RB1CC1: variants seen among roughly 807,000 people sequenced by gnomAD.
The protein encoded by RB1CC1 is RB1-inducible coiled-coil protein 1.
RB1CC1 carries 46 observed loss-of-function variants against 177.5 expected under a neutral mutation model. That is an observed-to-expected ratio of 0.26 (90% confidence interval 0.20 to 0.33). The LOEUF is 0.33. Among genes scored for constraint, RB1CC1 ranks in the 10% least tolerant of loss-of-function variants. The probability of loss-of-function intolerance (pLI) is 1.00; values close to 1 mark genes in which losing one functional copy is unlikely to be tolerated. For missense variants in RB1CC1, 1,703 were observed against 1,816.3 expected, an observed-to-expected ratio of 0.94 and a Z score of 1.13; for synonymous variants, 666 against 613.6, an observed-to-expected ratio of 1.09 and a Z score of -1.26.
intron 5 of RB1CC1, among the ~76,000 whole-genome samples, chr8:52,678,181 G>A (rs947540845): frequency 2.0e-5 from 3 of 152,134 alleles, no homozygotes; most frequent in African/African-American, 7.2e-5. Context: ...TACTTTGGGA[G>A]GCTGAGGCGG....
intron 7 of RB1CC1, among the ~76,000 whole-genome samples, chr8:52,672,502 G>T (rs1471290454): frequency 6.6e-6 from 1 of 152,178 alleles, no homozygotes; most frequent in African/African-American, 2.4e-5. Flanking sequence ...CAGCACTTTG[G>T]AAGGCTGAGG....
In RB1CC1 at chr8:52,642,798, A is replaced by C. The variant is rs369063481; in HGVS notation, c.4002T>G (p.Thr1334=). 6.4e-7 allele frequency: 1 copy of C among 1,558,870 alleles called. No homozygotes were observed. Among genetic ancestry groups the C allele is most frequent in the Non-Finnish European group, 8.6e-7 (1 of 1,161,818 alleles). The change falls in exon 17 of 24, where the codon ACT becomes ACG. Residue 1334 remains threonine (T), a synonymous_variant. Transcript: ENST00000025008. The part of the protein sequence containing the change: ...LIAEQQTNFN[T]VLTREKMRKE... ...TTCTCATTTTCTCTCTTGTTAAAAC[A>C]GTGTTAAAATTGGTCTGGAACAAGA...
At chr8:52,705,079 A>G (rs1856432493) in intron 1 of RB1CC1, among the ~76,000 whole-genome samples, 1 of 152,208 alleles carries the variant, frequency 6.6e-6, no homozygotes, top group South Asian at 2.1e-4. Flanking sequence ...TAAACTGCCT[A>G]CCATATATAC....
chr8:52,636,137 TTAAAA>T (rs1849126745), intron 18 of RB1CC1, 68 bp from the exon 19 acceptor site: 1 of 1,485,104 alleles, frequency 6.7e-7, no homozygotes, highest in East Asian at 2.3e-5. Flanking sequence ...ATTTTAGAAA[TTAAAA>T]TATTAATACA....
rs150365948 is a variant in RB1CC1 at position 52,653,119 on chromosome 8, A to C, written c.3821+2889T>G. Among the ~76,000 whole-genome samples, 582 of 152,296 alleles carry C rather than the reference A, an allele frequency of 3.8e-3. 3 individuals are homozygous for C. Among genetic ancestry groups the C allele is most frequent in the African/African-American group, 0.013 (520 of 41,574 alleles). ...GTTTGCTGACTCCTGATCTACAAGG[A>C]AGGCATCCAAAGGCAGGTATACTGG... On this transcript the variant is annotated intron_variant, in intron 15 of 23. Coordinates refer to ENST00000025008, the MANE Select transcript of RB1CC1 (RefSeq NM_014781.5).
chr8:52,636,984 T>C (rs1849194058), intron 18 of RB1CC1, among the ~76,000 whole-genome samples: 2 of 152,218 alleles, frequency 1.3e-5, no homozygotes, highest in Admixed American at 1.3e-4. Flanking sequence ...CTTATTACCC[T>C]TGCTTACAAA....
At chr8:52,707,991 G>A (rs772164595) in intron 1 of RB1CC1, among the ~76,000 whole-genome samples, 1 of 152,172 alleles carries the variant, frequency 6.6e-6, no homozygotes, top group Non-Finnish European at 1.5e-5. Flanking sequence ...TAGCAATAAT[G>A]TACTTCAGAG....
chr8:52,656,833 T>G lies in RB1CC1; in HGVS notation c.2996A>C (p.His999Pro). Reference protein sequence around the residue: ...KELEDTLQVRHIQEFEKVMTD... With the variant: ...KELEDTLQVRPIQEFEKVMTD... ...CATAACCTTCTCAAACTCTTGTATGTGCCTAACCTGAAGTGTGTCCTCTAA... is the reference window on the plus strand; with the variant it reads ...CATAACCTTCTCAAACTCTTGTATGGGCCTAACCTGAAGTGTGTCCTCTAA... Residue 999 changes from histidine (H) to proline (P), a missense_variant, in exon 15 of 24, where the codon CAC (histidine) becomes CCC (proline). Coordinates refer to ENST00000025008, the MANE Select transcript of RB1CC1 (RefSeq NM_014781.5). The G allele has an allele frequency of 6.2e-7, 1 of 1,613,824 alleles. No individual in the cohort carries two copies. Among genetic ancestry groups the G allele is most frequent in the Non-Finnish European group, 8.5e-7 (1 of 1,179,986 alleles).
chr8:52,644,220 G>A (rs1849810206), intron 16 of RB1CC1, among the ~76,000 whole-genome samples: 1 of 152,056 alleles, frequency 6.6e-6, no homozygotes, highest in Non-Finnish European at 1.5e-5. Flanking sequence ...CCTATACAGA[G>A]CTAGGTACAA....
At chr8:52,649,172 C>T (rs542478190) in intron 15 of RB1CC1, among the ~76,000 whole-genome samples, 26 of 152,274 alleles carry the variant, frequency 1.7e-4, no homozygotes, top group Non-Finnish European at 3.2e-4. Context: ...ACAACACTAC[C>T]ACAGAAACCT....
chr8:52,626,516 T>C (rs564943040), intron 22 of RB1CC1, among the ~76,000 whole-genome samples: 1 of 152,244 alleles, frequency 6.6e-6, no homozygotes, highest in South Asian at 2.1e-4. Flanking sequence ...ATATTGCAAG[T>C]GGGGTAAAAT....
chr8:52,658,567 A>G (rs906334546), intron 13 of RB1CC1, among the ~76,000 whole-genome samples: 9 of 128,540 alleles, frequency 7.0e-5, no homozygotes, highest in Non-Finnish European at 1.4e-4. Flanking sequence ...AGAGAGCGAG[A>G]CTCCGTCTCA....
chr8:52,679,530 C>G (rs544903721), intron 5 of RB1CC1, among the ~76,000 whole-genome samples: 1 of 152,294 alleles, frequency 6.6e-6, no homozygotes, highest in Non-Finnish European at 1.5e-5. Context: ...CCCTTCTGAA[C>G]CAAACCAATG....
At chr8:52,653,937 C>CT (rs1398299419) in intron 15 of RB1CC1, among the ~76,000 whole-genome samples, 2 of 152,184 alleles carry the variant, frequency 1.3e-5, no homozygotes, top group Admixed American at 6.5e-5. Context: ...GCAGAATCCC[C>CT]ATGTTGCTTC....
intron 1 of RB1CC1, among the ~76,000 whole-genome samples, chr8:52,699,655 A>G (rs2150681532): frequency 6.7e-6 from 1 of 149,564 alleles, no homozygotes; most frequent in African/African-American, 2.5e-5. Flanking sequence ...GTGAAAAAAA[A>G]AAAAAAATAC....
At chr8:52,654,051 T>C (rs1850868520) in intron 15 of RB1CC1, among the ~76,000 whole-genome samples, 1 of 152,218 alleles carries the variant, frequency 6.6e-6, no homozygotes, top group Non-Finnish European at 1.5e-5. Context: ...CATGTTCTTA[T>C]TCAACATTAA....
At chr8:52,705,507 T>C (rs1271086458) in intron 1 of RB1CC1, among the ~76,000 whole-genome samples, 4 of 152,156 alleles carry the variant, frequency 2.6e-5, no homozygotes, top group African/African-American at 4.8e-5. Context: ...AAATATAAAC[T>C]GGTATAACTT....
At chr8:52,696,679 G>C (rs1396838113) in intron 1 of RB1CC1, among the ~76,000 whole-genome samples, 4 of 152,138 alleles carry the variant, frequency 2.6e-5, no homozygotes, top group Admixed American at 2.6e-4. Flanking sequence ...AAAAAGCAAA[G>C]AAATTAAGCA....
rs962444960 is a variant in RB1CC1, at chr8:52,651,050, C to G, written c.3821+4958G>C. ...TAAAAATCTAACAAAGAAGGAATTG[C>G]AAAGCAATTACAGAATCTTTAATAT... On this transcript the variant is annotated intron_variant, in intron 15 of 23. Coordinates refer to ENST00000025008, the MANE Select transcript of RB1CC1 (RefSeq NM_014781.5). 1.2e-4 allele frequency among the ~76,000 whole-genome samples: 18 copies of G among 152,086 alleles called. 1 individual carries two copies. The highest frequency in any genetic ancestry group is 4.1e-4 in the African/African-American group (17 of 41,404).
Sources: gnomAD v4.1 joint callset for allele counts (sites outside exome capture counted in the v4.1 genomes callset) on GRCh38, gnomAD v4.1.1 for gene constraint, MANE v1.5 for transcripts, NCBI Gene and HGNC (gene_info 2026-07-23, HGNC 2026-07-21) for gene names.